Variants in PRSS3 observed in about 807,000 individuals in gnomAD.
PRSS3 encodes the protein serine protease 3.
Under a neutral mutation model 20.8 loss-of-function variants are expected in PRSS3, and 14 were observed. The observed-to-expected ratio is 0.67, with a 90% confidence interval of 0.44 to 1.05. PRSS3 has a LOEUF of 1.05. PRSS3 is among the 50% of genes least tolerant of loss of function. The probability of loss-of-function intolerance (pLI) is 0.00; values close to 1 mark genes in which losing one functional copy is unlikely to be tolerated. For synonymous variants in PRSS3, 91 were observed against 117.6 expected (o/e 0.77, Z 1.46); for missense variants, 237 against 306.4 (o/e 0.77, Z 1.69).
chr9:33,757,730 G>A (rs958124026), intron 1 of PRSS3, among the ~76,000 whole-genome samples: 3 of 152,090 alleles, frequency 2.0e-5, no homozygotes, highest in Non-Finnish European at 4.4e-5. Context: ...TGCATAATAG[G>A]CACTTGATAA....
chr9:33,770,217 C>A (rs917642682), intron 1 of PRSS3, among the ~76,000 whole-genome samples: 5 of 152,072 alleles, frequency 3.3e-5, no homozygotes, highest in African/African-American at 4.8e-5. Context: ...TGACCACTTT[C>A]TTCTTTCCAA....
chr9:33,757,473 T>A (rs969424148), intron 1 of PRSS3, among the ~76,000 whole-genome samples: 1 of 92,674 alleles, frequency 1.1e-5, no homozygotes, highest in African/African-American at 4.1e-5. Flanking sequence ...AGCAGATTCA[T>A]CTTTTTTTTT....
At chr9:33,772,656 C>T (rs1216677237) in intron 1 of PRSS3, among the ~76,000 whole-genome samples, 1 of 152,144 alleles carries the variant, frequency 6.6e-6, no homozygotes, top group East Asian at 1.9e-4. Context: ...AGCTGGGATA[C>T]CTCCAATTCA....
chr9:33,782,946 T>C (rs1348152820), intron 1 of PRSS3, among the ~76,000 whole-genome samples: 7 of 152,214 alleles, frequency 4.6e-5, no homozygotes, highest in Non-Finnish European at 2.9e-5. Flanking sequence ...GATTTCATCA[T>C]TGCGAAAACC....
chr9:33,787,759 T>G (rs1824471726), intron 1 of PRSS3, among the ~76,000 whole-genome samples: 1 of 152,232 alleles, frequency 6.6e-6, no homozygotes, highest in Non-Finnish European at 1.5e-5. Flanking sequence ...CACAAGGCAG[T>G]GTGGAACAGG....
chr9:33,753,556 CT>C (rs562520173), intron 1 of PRSS3, among the ~76,000 whole-genome samples: 4 of 152,192 alleles, frequency 2.6e-5, no homozygotes, highest in Non-Finnish European at 5.9e-5. Context: ...CATAACCTCC[CT>C]GAATCCCAGC....
intron 1 of PRSS3, among the ~76,000 whole-genome samples, chr9:33,763,735 G>A (rs1197057290): frequency 6.6e-6 from 1 of 151,560 alleles, no homozygotes; most frequent in African/African-American, 2.4e-5. Context: ...AATGATATAG[G>A]GTAAAGAGAG....
chr9:33,752,670 G>C (rs544817421), intron 1 of PRSS3, among the ~76,000 whole-genome samples: 15 of 152,270 alleles, frequency 9.9e-5, no homozygotes, highest in African/African-American at 3.6e-4. Context: ...TAACCAGCCA[G>C]CCCTCTCCCC....
intron 1 of PRSS3, among the ~76,000 whole-genome samples, chr9:33,770,140 A>ACC (rs1823618931): frequency 1.6e-5 from 1 of 61,868 alleles, no homozygotes; most frequent in Admixed American, 1.6e-4. Flanking sequence ...GGTGAAATGA[A>ACC]ACTGTCTCAA....
intron 3 of PRSS3, 137 bp from the exon 4 acceptor site, chr9:33,798,349 G>A: frequency 2.5e-6 from 3 of 1,217,686 alleles, no homozygotes; most frequent in South Asian, 1.4e-5. Context: ...AAAAGCCAGA[G>A]TCCCTTGCCA....
intron 1 of PRSS3, among the ~76,000 whole-genome samples, chr9:33,757,240 T>C (rs1243642332): frequency 6.6e-6 from 1 of 152,252 alleles, no homozygotes; most frequent in African/African-American, 2.4e-5. Flanking sequence ...CCACATTTTC[T>C]TTTCTATTGA....
chr9:33,757,715 C>T (rs1462434552), intron 1 of PRSS3, among the ~76,000 whole-genome samples: 6 of 152,134 alleles, frequency 3.9e-5, no homozygotes, highest in Non-Finnish European at 8.8e-5. Flanking sequence ...CAGAATAGTG[C>T]CTTATGCATA....
At chr9:33,763,966 G>T (rs1024874686) in intron 1 of PRSS3, among the ~76,000 whole-genome samples, 4 of 152,066 alleles carry the variant, frequency 2.6e-5, no homozygotes, top group Non-Finnish European at 5.9e-5. Flanking sequence ...ATTGTTATGA[G>T]TGTTGTCTGT....
At chr9:33,751,941 T>C (rs1822719178) in intron 1 of PRSS3, among the ~76,000 whole-genome samples, 1 of 152,130 alleles carries the variant, frequency 6.6e-6, no homozygotes, top group South Asian at 2.1e-4. Flanking sequence ...TGGGAAAAGA[T>C]ATGGAACTGA....
rs796384348 is a variant in PRSS3 at position 33,796,436 on chromosome 9, T to G, written c.41-207T>G. 2.5e-5 allele frequency among the ~76,000 whole-genome samples: 3 copies of G among 118,972 alleles called. No homozygotes were observed. The Admixed American group carries it at 2.6e-4, about 10-fold the overall frequency. 78.1% of individuals were successfully genotyped at this position (118,972 alleles called of 152,430 possible). On this transcript the variant is annotated intron_variant, in intron 1 of 4. Transcript: ENST00000379405. Reference sequence around the variant, plus strand: ...TGTCCCCAGGAGAGATCTGAGCCCCTGCAGGGTACCTAGCTACGTGCCCTG... The same window carrying G: ...TGTCCCCAGGAGAGATCTGAGCCCCGGCAGGGTACCTAGCTACGTGCCCTG...
chr9:33,762,846 C>T (rs554385331), intron 1 of PRSS3, among the ~76,000 whole-genome samples: 8 of 152,256 alleles, frequency 5.3e-5, no homozygotes, highest in African/African-American at 1.9e-4. Flanking sequence ...CAAGTCTCTC[C>T]CCTATTATTG....
At chr9:33,791,842 A>G (rs577840636), upstream of PRSS3, among the ~76,000 whole-genome samples, 7 of 152,354 alleles carry the variant, frequency 4.6e-5, no homozygotes, top group Non-Finnish European at 4.4e-5. Context: ...CCTGAAGAAT[A>G]AACAGAACTA....
chr9:33,779,596 C>T (rs982752904), intron 1 of PRSS3, among the ~76,000 whole-genome samples: 1 of 152,178 alleles, frequency 6.6e-6, no homozygotes, highest in African/African-American at 2.4e-5. Context: ...TGGCTGGGCG[C>T]GGTGGCTCAC....
At chr9:33,798,857 CTCCCTTGTGCT>C (rs1391909845) in intron 4 of PRSS3, 160 bp from the exon 5 acceptor site, 1 of 1,057,570 alleles carries the variant, frequency 9.5e-7, no homozygotes, top group Non-Finnish European at 1.4e-6. Context: ...ATGAGGGAGG[CTCCCTTGTGCT>C]GCACGCTGCC....
Sources: gnomAD v4.1 joint callset for allele counts (sites outside exome capture counted in the v4.1 genomes callset) on GRCh38, gnomAD v4.1.1 for gene constraint, MANE v1.5 for transcripts, NCBI Gene and HGNC (gene_info 2026-07-23, HGNC 2026-07-21) for gene names.